Variants in ARHGEF38 observed in about 807,000 individuals in gnomAD.
The protein encoded by ARHGEF38 is Rho guanine nucleotide exchange factor (GEF) 38.
In ARHGEF38, 79 loss-of-function variants were observed where a neutral mutation model predicts 79.9. The observed-to-expected ratio is 0.99, with a 90% CI of 0.82 to 1.19. The LOEUF is 1.19. ARHGEF38 is among the 50% of genes most tolerant of loss of function. ARHGEF38 has a pLI of 0.00. For synonymous variants in ARHGEF38, 366 were observed against 328.3 expected, an observed-to-expected ratio of 1.11 and a Z score of -1.24; for missense variants, 962 against 907.2, an observed-to-expected ratio of 1.06 and a Z score of -0.78.
At chr4:105,670,862 C>T (rs1156395685) in intron 13 of ARHGEF38, among the ~76,000 whole-genome samples, 1 of 152,168 alleles carries the variant, frequency 6.6e-6, no homozygotes, top group Non-Finnish European at 1.5e-5. Context: ...ATGTTGAGTT[C>T]TTGTTCTTAC....
At chr4:105,631,206 A>C (rs1414744056) in intron 4 of ARHGEF38, 161 bp downstream of exon 4, 2 of 1,271,090 alleles carry the variant, frequency 1.6e-6, no homozygotes, top group Non-Finnish European at 2.0e-6. Context: ...ACATGCCAGA[A>C]GCCCTGATTG....
In ARHGEF38 at chr4:105,589,525, G is replaced by A. The variant is rs17035881; in HGVS notation, c.384+90G>A. 4.1e-3 allele frequency: 4,719 copies of A among 1,145,178 alleles called. 142 individuals are homozygous for A. The African/African-American group carries it at 0.066, about 16-fold the overall frequency. 70.9% of individuals were successfully genotyped at this position (1,145,178 alleles called of 1,614,324 possible). A position where few individuals can be genotyped will look rare whatever the true frequency, so the allele number is the denominator to read the frequency against. ...AATTGAAGCACTCAGGTGTATCAAT[G>A]GGATGATGTGCCTTTCTCCCCAAAA... On this transcript the variant is annotated intron_variant, in intron 2 of 13. Coordinates refer to ENST00000420470, the MANE Select transcript of ARHGEF38 (RefSeq NM_001242729.2).
intron 1 of ARHGEF38, among the ~76,000 whole-genome samples, chr4:105,575,718 T>G (rs916042004): frequency 6.6e-6 from 1 of 152,144 alleles, no homozygotes; most frequent in African/African-American, 2.4e-5. Flanking sequence ...TCATAAATAC[T>G]TTGCCTAGGC....
intron 1 of ARHGEF38, among the ~76,000 whole-genome samples, chr4:105,572,309 T>C (rs1200238084): frequency 1.3e-5 from 2 of 152,198 alleles, no homozygotes; most frequent in Non-Finnish European, 2.9e-5. Flanking sequence ...CAGGAAGCCT[T>C]GCTATGTCTA....
chr4:105,603,664 CAG>C, intron 2 of ARHGEF38, among the ~76,000 whole-genome samples: 1 of 152,126 alleles, frequency 6.6e-6, no homozygotes, highest in Non-Finnish European at 1.5e-5. Flanking sequence ...GCCTTGCAGG[CAG>C]AGTCATAGAT....
chr4:105,652,608 T>C (rs1242871507), intron 7 of ARHGEF38, among the ~76,000 whole-genome samples: 1 of 152,186 alleles, frequency 6.6e-6, no homozygotes, highest in Non-Finnish European at 1.5e-5. Context: ...AAAGTAGAAT[T>C]GGGCAATATT....
At chr4:105,667,768 CTA>C in intron 13 of ARHGEF38, 65 bp downstream of exon 13, 1 of 1,500,514 alleles carries the variant, frequency 6.7e-7, no homozygotes, top group South Asian at 1.3e-5. Flanking sequence ...CTACTGTACT[CTA>C]TAATACTGTA....
At chr4:105,606,308 C>G (rs934779868) in intron 2 of ARHGEF38, among the ~76,000 whole-genome samples, 3 of 152,024 alleles carry the variant, frequency 2.0e-5, no homozygotes, top group Non-Finnish European at 4.4e-5. Context: ...CACCGTGACC[C>G]TTGAAAGCAG....
chr4:105,579,655 G>A lies in ARHGEF38; in HGVS notation c.197-9593G>A, dbSNP rs150713461. ...TGCCAGTATTTTGCTGAGGATTTTT[G>A]CATTGATGTTCACCAAGGATATTGG... On this transcript the variant is annotated intron_variant, in intron 1 of 13. Transcript: ENST00000420470. 9.5e-4 allele frequency among the ~76,000 whole-genome samples: 145 copies of A among 152,200 alleles called. 1 individual carries two copies. The East Asian group carries it at 0.025, about 26-fold the overall frequency.
chr4:105,673,564 G>T (rs571133408), intron 13 of ARHGEF38, among the ~76,000 whole-genome samples: 34 of 152,158 alleles, frequency 2.2e-4, no homozygotes, highest in Non-Finnish European at 4.3e-4. Context: ...GCTTAAAAAA[G>T]TCAGCTTATT....
intron 3 of ARHGEF38, among the ~76,000 whole-genome samples, chr4:105,625,894 T>A (rs1728926493): frequency 6.6e-6 from 1 of 152,196 alleles, no homozygotes; most frequent in African/African-American, 2.4e-5. Context: ...CTCATGCTGA[T>A]CCTTCTTTGT....
At chr4:105,622,010 T>A (rs1465230127) in intron 3 of ARHGEF38, among the ~76,000 whole-genome samples, 2 of 151,980 alleles carry the variant, frequency 1.3e-5, no homozygotes, top group African/African-American at 2.4e-5. Context: ...AAAGAAAAAA[T>A]CAGCAGGAAG....
intron 1 of ARHGEF38, among the ~76,000 whole-genome samples, chr4:105,561,419 A>AGAATAGAATAGAATGGAATG (rs1560684256): frequency 2.2e-5 from 1 of 46,048 alleles, no homozygotes; most frequent in African/African-American, 9.8e-5. Context: ...AGAATAGAAT[A>AGAATAGAATAGAATGGAATG]GAATGGAATA....
Position 105,669,952 on chromosome 4 carries a change from T to C in ARHGEF38, c.2148+2249T>C, listed in dbSNP as rs1252660613. ...CAAAATTTATTGAGAGTCTTTCATG[T>C]TGTAGTATGTATATGTACTTTGTTG... is the stretch of plus-strand genomic sequence containing the variant. On this transcript the variant is annotated intron_variant, in intron 13 of 13. Coordinates refer to ENST00000420470, the MANE Select transcript of ARHGEF38 (RefSeq NM_001242729.2). Among the ~76,000 whole-genome samples the C allele has an allele frequency of 2.0e-5, 3 of 152,226 alleles. No homozygotes were observed. The East Asian group carries it at 5.8e-4, about 29-fold the overall frequency.
chr4:105,671,885 G>A (rs1054983233), intron 13 of ARHGEF38, among the ~76,000 whole-genome samples: 14 of 152,014 alleles, frequency 9.2e-5, no homozygotes. Context: ...TTCCTACTGT[G>A]GTAGCACTTT....
chr4:105,620,819 G>T (rs140472273), intron 3 of ARHGEF38, among the ~76,000 whole-genome samples: 268 of 144,566 alleles, frequency 1.9e-3, no homozygotes, highest in Non-Finnish European at 3.3e-3. Flanking sequence ...AGTTCACATT[G>T]TTATATGAGT....
intron 10 of ARHGEF38, among the ~76,000 whole-genome samples, chr4:105,660,806 C>T (rs1029812563): frequency 6.6e-6 from 1 of 152,136 alleles, no homozygotes; most frequent in African/African-American, 2.4e-5. Context: ...AATGTATAAC[C>T]ATTCCCTTTT....
At chr4:105,590,183 G>A (rs773025788) in intron 2 of ARHGEF38, among the ~76,000 whole-genome samples, 1 of 151,970 alleles carries the variant, frequency 6.6e-6, no homozygotes, top group African/African-American at 2.4e-5. Context: ...GGGGACAAAC[G>A]AGTGGTCATT....
chr4:105,621,075 C>T (rs186287877), intron 3 of ARHGEF38, among the ~76,000 whole-genome samples: 8 of 152,298 alleles, frequency 5.3e-5, no homozygotes, highest in Admixed American at 5.2e-4. Context: ...CAGAGGCCAG[C>T]CTCCCAGCTG....
Sources: gnomAD v4.1 joint callset for allele counts (sites outside exome capture counted in the v4.1 genomes callset) on GRCh38, gnomAD v4.1.1 for gene constraint, MANE v1.5 for transcripts, NCBI Gene and HGNC (gene_info 2026-07-23, HGNC 2026-07-21) for gene names.